VWF: variants seen among roughly 807,000 people sequenced by gnomAD.
The protein encoded by VWF is Factor VIII related antigen.
VWF carries 176 observed loss-of-function variants against 308.6 expected under a neutral mutation model. The ratio of observed to expected loss-of-function variants is 0.57; its 90% CI spans 0.50 to 0.65. VWF has a LOEUF of 0.65. Ranked by LOEUF, VWF falls within the 30% of genes least tolerant of loss-of-function variation. The pLI, the probability that VWF is intolerant of heterozygous loss-of-function variation, is 0.00. For missense variants in VWF, 3,146 were observed against 3,648.2 expected (o/e 0.86, Z 3.55); for synonymous variants, 1,385 against 1,443.4 (o/e 0.96, Z 0.92).
chr12:6,026,272 T>C (rs1290404226), intron 22 of VWF, among the ~76,000 whole-genome samples: 1 of 152,040 alleles, frequency 6.6e-6, no homozygotes, highest in Non-Finnish European at 1.5e-5. Context: ...TTTAAAGCTA[T>C]GGAAACAGAG....
intron 6 of VWF, among the ~76,000 whole-genome samples, chr12:6,079,764 A>G (rs967871468): frequency 1.3e-5 from 2 of 152,136 alleles, no homozygotes; most frequent in African/African-American, 2.4e-5. Flanking sequence ...CCAAGCCCAT[A>G]TAAAATGCAA....
At position 6,046,628 on chromosome 12, in the gene VWF, A is replaced by G; in HGVS notation, c.2281+95T>C. On this transcript the variant is annotated intron_variant, in intron 17 of 51. Transcript: ENST00000261405. The surrounding 1 kb of genome is among the most constrained non-coding windows in gnomAD (Gnocchi z 5.0). ...GACCCATGCCTGGGTGCACACGCAC[A>G]TCTGACGGTGTCACCCAGCTCTCTC... 2 of 1,254,964 alleles carry G rather than the reference A, an allele frequency of 1.6e-6. No individual in the cohort carries two copies. The highest frequency in any genetic ancestry group is 2.4e-5 in the South Asian group (2 of 83,416). The allele number at this position is 1,254,964 out of a possible 1,614,324, so 77.7% of individuals were successfully genotyped here.
intron 34 of VWF, among the ~76,000 whole-genome samples, chr12:6,005,735 C>G (rs936315296): frequency 2.6e-5 from 4 of 152,108 alleles, no homozygotes; most frequent in Non-Finnish European, 4.4e-5. Context: ...AAGAAAACAA[C>G]GGGCAGCCAA....
chr12:5,999,471 T>TACAC (rs3062521), intron 34 of VWF, among the ~76,000 whole-genome samples: 2,489 of 143,590 alleles, frequency 0.017, 35 homozygotes, highest in East Asian at 0.046. Context: ...TGTACACACA[T>TACAC]ACACACACAC....
chr12:6,073,758 A>T lies in VWF; in HGVS notation c.875-17T>A, dbSNP rs760329934. 8.7e-6 allele frequency: 14 copies of T among 1,613,542 alleles called. No homozygotes were observed. The highest frequency in any genetic ancestry group is 1.2e-5 in the Non-Finnish European group (14 of 1,179,920). Reference sequence around the variant, plus strand: ...ACACTGGGCCTGAAAAGGAACATCAAAGGGGTCTACCCAGGGCAGGTCCCA... The same window carrying T: ...ACACTGGGCCTGAAAAGGAACATCATAGGGGTCTACCCAGGGCAGGTCCCA... On this transcript the variant is annotated splice_polypyrimidine_tract_variant and intron_variant, in intron 7 of 51. Transcript: ENST00000261405.
At chr12:5,981,042 G>A (rs1335132975) in intron 42 of VWF, among the ~76,000 whole-genome samples, 1 of 152,134 alleles carries the variant, frequency 6.6e-6, no homozygotes. Context: ...TCAGTTTATA[G>A]ACTATTGTCA....
At chr12:5,981,585 A>C (rs569426710) in intron 42 of VWF, among the ~76,000 whole-genome samples, 2 of 152,178 alleles carry the variant, frequency 1.3e-5, no homozygotes, top group South Asian at 4.2e-4. Context: ...CTGCCCCCCA[A>C]CCAAGCCTTG....
rs185244205 is a variant in VWF, at chr12:6,037,814, C to A, written c.2443-1323G>T. On this transcript the variant is annotated intron_variant, in intron 18 of 51. Coordinates refer to ENST00000261405, the MANE Select transcript of VWF (RefSeq NM_000552.5). ...CAAGTCTGAGCTCCCAGGCCTGGAG[C>A]TGGACAAATCCCTGGGAACAGGGCA... 2.0e-5 allele frequency among the ~76,000 whole-genome samples: 3 copies of A among 152,164 alleles called. No homozygotes were observed. In the East Asian group the frequency reaches 5.8e-4, roughly 30 times the overall value.
At chr12:6,090,286 C>T (rs1484059265) in intron 6 of VWF, among the ~76,000 whole-genome samples, 4 of 152,116 alleles carry the variant, frequency 2.6e-5, no homozygotes, top group African/African-American at 4.8e-5. Flanking sequence ...CACAATACCT[C>T]GAGTGCACTC....
At chr12:5,968,947 C>T (rs947083636) in intron 45 of VWF, among the ~76,000 whole-genome samples, 7 of 152,190 alleles carry the variant, frequency 4.6e-5, no homozygotes, top group African/African-American at 1.4e-4. Context: ...CTGGGTGAAA[C>T]GTCACAGCAT....
Position 6,062,953 on chromosome 12 carries a change from C to T in VWF, c.1533+1G>A, listed in dbSNP as rs1555198839. 1 of 1,612,078 alleles carries T rather than the reference C, an allele frequency of 6.2e-7. No homozygotes were observed. The highest frequency in any genetic ancestry group is 8.5e-7 in the Non-Finnish European group (1 of 1,179,850). ...AGCCAGTACCCCGTGAGGGCACCTA[C>T]CTTCACCAGCAGCCTCCCGCGGCCA... On this transcript the variant is annotated splice_donor_variant, in intron 13 of 51. Transcript: ENST00000261405. LOFTEE classifies it high-confidence loss of function.
At chr12:6,072,465 A>G in intron 8 of VWF, 23 bp from the exon 9 acceptor site, 2 of 1,586,218 alleles carry the variant, frequency 1.3e-6, no homozygotes, top group Non-Finnish European at 1.7e-6. Flanking sequence ...GCATCAAGAC[A>G]AAGGCCTCAA....
chr12:6,062,610 C>T (rs1236961492), intron 13 of VWF, among the ~76,000 whole-genome samples: 1 of 152,092 alleles, frequency 6.6e-6, no homozygotes, highest in Non-Finnish European at 1.5e-5. Context: ...CCCTTACTGC[C>T]CACAGTGGGC....
At position 5,994,447 on chromosome 12, in the gene VWF, T is replaced by C; in HGVS notation, c.6224A>G (p.Lys2075Arg). The change falls in exon 36 of 52, where the codon AAG becomes AGG. Residue 2075 changes from lysine (K) to arginine (R), a missense_variant. Around this residue, in one of 3 missense-constraint regions of VWF, gnomAD observed 989 missense variants for 1,117.4 expected, o/e 0.89. Transcript: ENST00000261405. ...NNEFQLQLSP[K>R]TFASKTYGLC... is the part of the protein sequence containing the mutation. The stretch of plus-strand genomic sequence containing the variant: ...ACCATACGTCTTTGAAGCAAAAGTC[T>C]TGGGGCTGAGCTGCAGTTGGAACTC... 6.2e-7 allele frequency: 1 copy of C among 1,614,206 alleles called. No individual in the cohort carries two copies. Among genetic ancestry groups the C allele is most frequent in the Non-Finnish European group, 8.5e-7 (1 of 1,180,038 alleles).
intron 14 of VWF, among the ~76,000 whole-genome samples, chr12:6,057,483 A>ATTTAT (rs376988383): frequency 4.5e-5 from 3 of 66,194 alleles, no homozygotes; most frequent in Non-Finnish European, 1.1e-4. Flanking sequence ...CGGCAAATTT[A>ATTTAT]TTATTATTAT....
At position 6,057,075 on chromosome 12, in the gene VWF, G is replaced by T; in HGVS notation, c.1730-3C>A. 1 of 1,535,118 alleles carries T rather than the reference G, an allele frequency of 6.5e-7. No homozygotes were observed. The highest frequency in any genetic ancestry group is 8.7e-7 in the Non-Finnish European group (1 of 1,146,894). The stretch of plus-strand genomic sequence containing the variant: ...GCACGCCTCCTCGGAGAACCTGGCT[G>T]TGGGGCGAGAGGAGCGAGCCTGGGA... On this transcript the variant is annotated splice_polypyrimidine_tract_variant and splice_region_variant and intron_variant, in intron 14 of 51. Coordinates refer to ENST00000261405, the MANE Select transcript of VWF (RefSeq NM_000552.5).
At chr12:6,120,746 C>T (rs1945421043) in intron 3 of VWF, among the ~76,000 whole-genome samples, 1 of 152,116 alleles carries the variant, frequency 6.6e-6, no homozygotes, top group South Asian at 2.1e-4. Flanking sequence ...AGGGACAGTA[C>T]CAGCCCTTCT....
Position 6,110,530 on chromosome 12 carries a change from A to C in VWF, c.376T>G (p.Tyr126Asp). The part of the protein sequence containing the change: ...KGLYLETEAG[Y>D]YKLSGEAYGF... ...TAGGCCTCACCGGACAGCTTGTAGT[A>C]CCCAGCCTCAGTTTCTAGATACAGC... Residue 126 changes from tyrosine to aspartate, a missense_variant, in exon 5 of 52, where the codon TAC becomes GAC. Physicochemically the swap from Tyr to Asp is radical, Grantham distance 160. Transcript: ENST00000261405. 6.2e-7 allele frequency: 1 copy of C among 1,614,134 alleles called. No individual in the cohort carries two copies. Among genetic ancestry groups the C allele is most frequent in the Non-Finnish European group, 8.5e-7 (1 of 1,180,020 alleles).
chr12:6,000,684 C>A lies in VWF; in HGVS notation c.5843-4462G>T, dbSNP rs889667836. 7.9e-5 allele frequency among the ~76,000 whole-genome samples: 12 copies of A among 151,220 alleles called. No individual in the cohort carries two copies. The East Asian group carries it at 2.3e-3, about 29-fold the overall frequency. Reference sequence around the variant, plus strand: ...AAAATTAGCCAGGCGTGGTGGCGGGCGCCTGTAGTCCCAGCTACTCGGGAG... The same window carrying A: ...AAAATTAGCCAGGCGTGGTGGCGGGAGCCTGTAGTCCCAGCTACTCGGGAG... On this transcript the variant is annotated intron_variant, in intron 34 of 51. Coordinates refer to ENST00000261405, the MANE Select transcript of VWF (RefSeq NM_000552.5).
Sources: allele counts gnomAD v4.1 joint callset (sites outside exome capture counted in the v4.1 genomes callset), GRCh38; gene constraint gnomAD v4.1.1; regional missense constraint gnomAD v4.1.1; non-coding constraint Gnocchi (gnomAD v3.1); transcripts MANE v1.5; gene names NCBI Gene and HGNC (gene_info 2026-07-23, HGNC 2026-07-21).